The following GALNTL6 variants were observed in gnomAD, a reference collection of about 807,000 sequenced individuals.
GALNTL6 encodes polypeptide N-acetylgalactosaminyltransferase-like 6.
In GALNTL6, 46 loss-of-function variants were observed where a neutral mutation model predicts 73.7. That is an observed-to-expected ratio of 0.62 (90% CI 0.49 to 0.80). The LOEUF is 0.80. Ranked by LOEUF, GALNTL6 falls within the 30% of genes least tolerant of loss-of-function variation. The pLI, the probability that GALNTL6 is intolerant of heterozygous loss-of-function variation, is 0.00. For synonymous variants in GALNTL6, 259 were observed against 263.7 expected, an observed-to-expected ratio of 0.98 and a Z score of 0.17; for missense variants, 604 against 755.0, an observed-to-expected ratio of 0.80 and a Z score of 2.34.
At chr4:173,033,492 G>A (rs28465594) in intron 12 of GALNTL6, among the ~76,000 whole-genome samples, 2,042 of 152,000 alleles carry the variant, frequency 0.013, 46 homozygotes, top group African/African-American at 0.042. Flanking sequence ...AGTAAAAATA[G>A]GCAGAAAAAG....
chr4:171,911,407 C>T (rs1737474074), intron 2 of GALNTL6, among the ~76,000 whole-genome samples: 1 of 152,204 alleles, frequency 6.6e-6, no homozygotes, highest in Non-Finnish European at 1.5e-5. Flanking sequence ...CTGCCTCGGC[C>T]TCCCAAAGTG....
chr4:172,894,313 A>AT (rs769854231), intron 8 of GALNTL6, among the ~76,000 whole-genome samples: 22 of 151,940 alleles, frequency 1.4e-4, no homozygotes, highest in Non-Finnish European at 2.9e-4. Context: ...AAGTTTGTCT[A>AT]TTTTTTATGT....
At chr4:172,439,241 T>C (rs1266732453) in intron 5 of GALNTL6, among the ~76,000 whole-genome samples, 3 of 150,322 alleles carry the variant, frequency 2.0e-5, no homozygotes, top group Non-Finnish European at 4.4e-5. Flanking sequence ...TTTCTCAACT[T>C]ACCCCAATCA....
chr4:172,326,344 A>G (rs1261978741), intron 4 of GALNTL6, among the ~76,000 whole-genome samples: 1 of 152,004 alleles, frequency 6.6e-6, no homozygotes, highest in Non-Finnish European at 1.5e-5. Context: ...GTATTTACTT[A>G]CAGTTCTATC....
intron 5 of GALNTL6, among the ~76,000 whole-genome samples, chr4:172,553,955 A>G (rs936029894): frequency 4.6e-5 from 7 of 152,114 alleles, no homozygotes; most frequent in African/African-American, 1.7e-4. Flanking sequence ...TCTTGAGCCC[A>G]GGTTTCTACA....
intron 2 of GALNTL6, among the ~76,000 whole-genome samples, chr4:171,847,785 C>G (rs903928403): frequency 2.0e-5 from 3 of 152,164 alleles, no homozygotes; most frequent in African/African-American, 7.2e-5. Flanking sequence ...TCTTCAAGCT[C>G]CACTTCTAAT....
At chr4:172,113,022 G>A (rs1732895836) in intron 2 of GALNTL6, among the ~76,000 whole-genome samples, 1 of 151,888 alleles carries the variant, frequency 6.6e-6, no homozygotes, top group Non-Finnish European at 1.5e-5. Flanking sequence ...GAATAGGACA[G>A]TGCATTTTTG....
intron 5 of GALNTL6, among the ~76,000 whole-genome samples, chr4:172,540,659 G>C (rs1458899317): frequency 6.6e-6 from 1 of 152,058 alleles, no homozygotes; most frequent in Non-Finnish European, 1.5e-5. Context: ...GTATACATTG[G>C]GTTCAGCCCA....
At chr4:172,397,601 T>C (rs960621217) in intron 5 of GALNTL6, among the ~76,000 whole-genome samples, 9 of 117,332 alleles carry the variant, frequency 7.7e-5, no homozygotes, top group Non-Finnish European at 1.6e-4. Context: ...TTATTTAAAA[T>C]GGAGTCTCGC....
intron 2 of GALNTL6, among the ~76,000 whole-genome samples, chr4:171,912,740 C>A (rs2110964842): frequency 6.6e-6 from 1 of 152,248 alleles, no homozygotes; most frequent in East Asian, 1.9e-4. Context: ...CACCACTCTA[C>A]CCTTTACCAC....
At chr4:172,760,894 C>T (rs115377288) in intron 5 of GALNTL6, among the ~76,000 whole-genome samples, 1,741 of 152,134 alleles carry the variant, frequency 0.011, 36 homozygotes, top group African/African-American at 0.039. Context: ...CAAAGTAACC[C>T]GAACGGTTGC....
intron 5 of GALNTL6, among the ~76,000 whole-genome samples, chr4:172,592,945 C>CT (rs142325829): frequency 4.0e-5 from 6 of 151,820 alleles, no homozygotes; most frequent in East Asian, 1.9e-4. Context: ...TTATGGCTAG[C>CT]TTTTTTTTAT....
intron 8 of GALNTL6, among the ~76,000 whole-genome samples, chr4:172,895,645 G>A (rs1420547945): frequency 6.6e-6 from 1 of 151,686 alleles, no homozygotes; most frequent in African/African-American, 2.4e-5. Context: ...CTTCTGTGTG[G>A]GTATTTATAT....
chr4:171,820,003 C>G (rs1334387379), intron 2 of GALNTL6, among the ~76,000 whole-genome samples: 1 of 152,172 alleles, frequency 6.6e-6, no homozygotes, highest in Non-Finnish European at 1.5e-5. Context: ...TAAACTTGCT[C>G]TCCTTATCAC....
At chr4:172,072,757 T>C (rs1731581807) in intron 2 of GALNTL6, among the ~76,000 whole-genome samples, 1 of 152,202 alleles carries the variant, frequency 6.6e-6, no homozygotes, top group South Asian at 2.1e-4. Context: ...CACATTTCTG[T>C]CACTAACATC....
intron 2 of GALNTL6, among the ~76,000 whole-genome samples, chr4:171,853,015 T>TTTTC (rs1735565796): frequency 7.4e-6 from 1 of 135,160 alleles, no homozygotes; most frequent in Admixed American, 7.5e-5. Context: ...CCGGCTAATT[T>TTTTC]TTTTTTTTTT....
chr4:172,625,868 A>AT (rs1030405343), intron 5 of GALNTL6, among the ~76,000 whole-genome samples: 3 of 150,772 alleles, frequency 2.0e-5, no homozygotes, highest in South Asian at 2.1e-4. Context: ...TTTTAATGGG[A>AT]TTTTTTTTCT....
At chr4:172,206,818 GTTTTTTT>G (rs1254869443) in intron 2 of GALNTL6, among the ~76,000 whole-genome samples, 1 of 62,854 alleles carries the variant, frequency 1.6e-5, no homozygotes, top group African/African-American at 4.5e-5. Flanking sequence ...TTTTTTGTTT[GTTTTTTT>G]TTTTTTTTTT....
chr4:172,206,436 C>T (rs1383223854), intron 2 of GALNTL6, among the ~76,000 whole-genome samples: 1 of 152,054 alleles, frequency 6.6e-6, no homozygotes, highest in African/African-American at 2.4e-5. Context: ...CTTGGCAGTC[C>T]TTGATGAGTG....
Sources: allele counts gnomAD v4.1 joint callset (sites outside exome capture counted in the v4.1 genomes callset), GRCh38; gene constraint gnomAD v4.1.1; transcripts MANE v1.5; gene names NCBI Gene and HGNC (gene_info 2026-07-23, HGNC 2026-07-21).